KBTBD12: variants seen among roughly 807,000 people sequenced by gnomAD.
KBTBD12 encodes kelch repeat and BTB domain containing 12.
In KBTBD12, 53 loss-of-function variants were observed where a neutral mutation model predicts 58.7. The observed-to-expected ratio is 0.90, with a 90% CI of 0.72 to 1.14. KBTBD12 has a LOEUF of 1.14. KBTBD12 is among the 50% of genes most tolerant of loss of function. KBTBD12 has a pLI of 0.00. For missense variants in KBTBD12, 704 were observed against 751.3 expected (o/e 0.94, Z 0.74); for synonymous variants, 236 against 259.8 (o/e 0.91, Z 0.88).
intron 5 of KBTBD12, among the ~76,000 whole-genome samples, chr3:127,983,360 G>A (rs565035533): frequency 6.6e-6 from 1 of 152,314 alleles, no homozygotes; most frequent in African/African-American, 2.4e-5. Flanking sequence ...AGTGGGAGGT[G>A]TCTTGCCATG....
intron 2 of KBTBD12, among the ~76,000 whole-genome samples, chr3:127,926,176 T>C (rs1576372037): frequency 6.6e-6 from 1 of 152,182 alleles, no homozygotes; most frequent in East Asian, 1.9e-4. Flanking sequence ...GAGTTTTATC[T>C]GGGTATTTTC....
rs1467467144 is a variant in KBTBD12 at position 127,923,466 on chromosome 3, T to C, written c.405T>C (p.Gly135=). The change falls in exon 2 of 6, where the codon GGT becomes GGC. Residue 135 remains glycine, a synonymous_variant. Coordinates refer to ENST00000405109, the MANE Select transcript of KBTBD12 (RefSeq NM_207335.4). ...MDHMDASNCL[G]IYYFAKQIGA... Reference sequence around the variant, plus strand: ...ACATGGATGCCTCCAACTGTTTAGGTATCTATTATTTTGCAAAGCAGATTG... The same window carrying C: ...ACATGGATGCCTCCAACTGTTTAGGCATCTATTATTTTGCAAAGCAGATTG... 6.2e-7 allele frequency: 1 copy of C among 1,611,116 alleles called. No individual in the cohort carries two copies. The highest frequency in any genetic ancestry group is 1.1e-5 in the South Asian group (1 of 90,918).
intron 4 of KBTBD12, among the ~76,000 whole-genome samples, chr3:127,958,389 C>T (rs1940362584): frequency 6.6e-6 from 1 of 152,162 alleles, no homozygotes; most frequent in South Asian, 2.1e-4. Context: ...CTTACTGGCC[C>T]AGGCTTTAGA....
intron 4 of KBTBD12, among the ~76,000 whole-genome samples, chr3:127,931,503 G>T (rs1182199865): frequency 1.3e-5 from 2 of 152,048 alleles, no homozygotes; most frequent in Admixed American, 6.6e-5. Context: ...GGGATGAAGG[G>T]CCTGTCTACT....
At chr3:127,938,075 A>T (rs556160651) in intron 4 of KBTBD12, among the ~76,000 whole-genome samples, 1 of 152,302 alleles carries the variant, frequency 6.6e-6, no homozygotes, top group East Asian at 1.9e-4. Flanking sequence ...AAAAAATGTG[A>T]TCCCAGATTG....
intron 5 of KBTBD12, among the ~76,000 whole-genome samples, chr3:127,981,139 C>T (rs967193899): frequency 6.6e-6 from 1 of 152,070 alleles, no homozygotes; most frequent in South Asian, 2.1e-4. Flanking sequence ...ACCTACTGTG[C>T]CAAATTCACA....
intron 5 of KBTBD12, among the ~76,000 whole-genome samples, chr3:127,972,439 G>T (rs1864889): frequency 0.15 from 23,064 of 152,066 alleles, 1,962 homozygotes; most frequent in South Asian, 0.32. Flanking sequence ...ATGTCTGTTG[G>T]GTTTTCATTC....
At chr3:127,952,230 C>T (rs915053553) in intron 4 of KBTBD12, among the ~76,000 whole-genome samples, 1 of 152,164 alleles carries the variant, frequency 6.6e-6, no homozygotes, top group Non-Finnish European at 1.5e-5. Flanking sequence ...AATATTGTGA[C>T]TAAATCCAGG....
chr3:127,961,760 A>C (rs1940443980), intron 4 of KBTBD12, among the ~76,000 whole-genome samples: 1 of 152,224 alleles, frequency 6.6e-6, no homozygotes, highest in Non-Finnish European at 1.5e-5. Context: ...GCACTGGGCT[A>C]GGTACTAGGG....
At chr3:127,915,909 G>A (rs1051380548) in intron 1 of KBTBD12, among the ~76,000 whole-genome samples, 1 of 152,222 alleles carries the variant, frequency 6.6e-6, no homozygotes, top group African/African-American at 2.4e-5. Context: ...GCACAACAAA[G>A]GTAAGGGGCA....
Position 127,984,368 on chromosome 3 carries a change from T to A in KBTBD12, c.*90T>A, listed in dbSNP as rs1223349231. On this transcript the variant is annotated 3_prime_UTR_variant, in exon 6 of 6. Transcript: ENST00000405109. The stretch of plus-strand genomic sequence containing the variant: ...CAGCATCTCTGTCATGCCAGTCATG[T>A]GCACTGCATGCGTAGTGGCCTGTGT... 5 of 1,192,194 alleles carry A rather than the reference T, an allele frequency of 4.2e-6. No homozygotes were observed. Among genetic ancestry groups the A allele is most frequent in the Non-Finnish European group, 6.0e-6 (5 of 832,404 alleles). The allele number at this position is 1,192,194 out of a possible 1,614,324, so 73.9% of individuals were successfully genotyped here.
intron 4 of KBTBD12, among the ~76,000 whole-genome samples, chr3:127,948,214 G>A (rs768799920): frequency 5.9e-5 from 9 of 152,190 alleles, no homozygotes; most frequent in African/African-American, 9.7e-5. Context: ...TTTACTGTGC[G>A]TTCCTTCCTG....
chr3:127,968,188 C>T (rs563406505), intron 5 of KBTBD12, among the ~76,000 whole-genome samples: 10 of 152,310 alleles, frequency 6.6e-5, no homozygotes, highest in Admixed American at 2.0e-4. Flanking sequence ...AGAAGTCTTA[C>T]GTCTTCTATT....
chr3:127,955,125 C>T (rs1487091963), intron 4 of KBTBD12, among the ~76,000 whole-genome samples: 1 of 152,138 alleles, frequency 6.6e-6, no homozygotes, highest in Non-Finnish European at 1.5e-5. Flanking sequence ...CTGTCCTATT[C>T]TTCTATCATG....
intron 2 of KBTBD12, among the ~76,000 whole-genome samples, chr3:127,925,501 A>G (rs990982669): frequency 3.3e-5 from 5 of 151,962 alleles, no homozygotes; most frequent in African/African-American, 1.2e-4. Context: ...ATCACATCTT[A>G]TTTTTAGTAA....
chr3:127,978,365 A>T (rs1025489580), intron 5 of KBTBD12, among the ~76,000 whole-genome samples: 2 of 152,220 alleles, frequency 1.3e-5, no homozygotes, highest in African/African-American at 4.8e-5. Flanking sequence ...ATGGAGCAGC[A>T]ATCTGAGAAC....
Position 127,923,233 on chromosome 3 carries a change from G to C in KBTBD12, c.172G>C (p.Ala58Pro). ...VLAAFSPYFK[A>P]MFTCGLLECN... ...GGCTGCATTTAGCCCTTATTTCAAAGCTATGTTCACCTGTGGACTACTTGA... is the reference window on the plus strand; with the variant it reads ...GGCTGCATTTAGCCCTTATTTCAAACCTATGTTCACCTGTGGACTACTTGA... The change falls in exon 2 of 6, where the codon GCT (alanine) becomes CCT (proline). Residue 58 changes from alanine to proline, a missense_variant. By Grantham distance (27) the Ala-to-Pro change is conservative (BLOSUM62 -1). Coordinates refer to ENST00000405109, the MANE Select transcript of KBTBD12 (RefSeq NM_207335.4). 1 of 1,613,818 alleles carries C rather than the reference G, an allele frequency of 6.2e-7. No individual in the cohort carries two copies. Among genetic ancestry groups the C allele is most frequent in the Non-Finnish European group, 8.5e-7 (1 of 1,179,780 alleles).
At chr3:127,947,294 G>A (rs1227691416) in intron 4 of KBTBD12, among the ~76,000 whole-genome samples, 1 of 152,170 alleles carries the variant, frequency 6.6e-6, no homozygotes, top group Non-Finnish European at 1.5e-5. Context: ...ATCAGGGCCT[G>A]GGATGGGCCA....
intron 5 of KBTBD12, among the ~76,000 whole-genome samples, chr3:127,972,363 G>A (rs1269335740): frequency 6.6e-6 from 1 of 152,070 alleles, no homozygotes; most frequent in Non-Finnish European, 1.5e-5. Context: ...ATGGGGCCTG[G>A]GCATCAATAT....
Sources: gnomAD v4.1 joint callset for allele counts (sites outside exome capture counted in the v4.1 genomes callset) on GRCh38, gnomAD v4.1.1 for gene constraint, MANE v1.5 for transcripts, NCBI Gene and HGNC (gene_info 2026-07-23, HGNC 2026-07-21) for gene names.